The following APH1B variants were observed in gnomAD, a reference collection of about 807,000 sequenced individuals.
APH1B encodes aph-1B gamma-secretase subunit, also known as gamma-secretase subunit APH-1B.
APH1B carries 27 observed loss-of-function variants against 28.2 expected under a neutral mutation model. The observed-to-expected ratio is 0.96, with a 90% CI of 0.70 to 1.32. The LOEUF (loss-of-function observed/expected upper bound fraction) is 1.32, where lower values mean the gene tolerates loss of function less well. Among genes scored for constraint, APH1B ranks in the 40% most tolerant of loss-of-function variants. APH1B has a pLI of 0.00. For missense variants in APH1B, 305 were observed against 313.6 expected (o/e 0.97, Z 0.21); for synonymous variants, 141 against 124.6 (o/e 1.13, Z -0.88).
chr15:63,290,908 G>A (rs1285565238), intron 4 of APH1B, among the ~76,000 whole-genome samples: 1 of 152,104 alleles, frequency 6.6e-6, no homozygotes, highest in Non-Finnish European at 1.5e-5. Flanking sequence ...TTACTTAAAG[G>A]GTGAATAATA....
intron 4 of APH1B, among the ~76,000 whole-genome samples, chr15:63,299,049 T>C (rs1184096156): frequency 1.3e-5 from 2 of 152,102 alleles, no homozygotes; most frequent in South Asian, 2.1e-4. Flanking sequence ...ACAAAAGGGA[T>C]AATCTATTTA....
At chr15:63,293,460 C>T (rs1169759833) in intron 4 of APH1B, among the ~76,000 whole-genome samples, 1 of 151,306 alleles carries the variant, frequency 6.6e-6, no homozygotes, top group Non-Finnish European at 1.5e-5. Context: ...AGCCACCGCA[C>T]CTGGCCTGTT....
chr15:63,284,447 C>T (rs964470431), intron 2 of APH1B, among the ~76,000 whole-genome samples: 1 of 152,184 alleles, frequency 6.6e-6, no homozygotes, highest in Non-Finnish European at 1.5e-5. Context: ...CTCCTGCGCT[C>T]AAGTGACTTG....
chr15:63,279,377 T>C, intron 2 of APH1B, 46 bp downstream of exon 2: 1 of 1,540,536 alleles, frequency 6.5e-7, no homozygotes, highest in East Asian at 2.3e-5. Context: ...AGTTAGATTT[T>C]AGTTATGATT....
chr15:63,305,547 T>G, intron 5 of APH1B, 67 bp from the exon 6 acceptor site: 1 of 1,556,368 alleles, frequency 6.4e-7, no homozygotes, highest in South Asian at 1.1e-5. Context: ...TCCCTTTATC[T>G]TTGGTTATTC....
At position 63,302,420 on chromosome 15, in the gene APH1B, A is replaced by C; in HGVS notation, c.554A>C (p.Lys185Thr). The change falls in exon 5 of 6, where the codon AAG becomes ACG. Residue 185 changes from lysine to threonine, a missense_variant. Transcript: ENST00000261879. ...IVFFDGCEKK[K>T]WGILLIVLLT... ...TTTTTTGATGGCTGTGAGAAGAAAAAGTGGGGCATCCTCCTTATCGTTCTC... is the reference window on the plus strand; with the variant it reads ...TTTTTTGATGGCTGTGAGAAGAAAACGTGGGGCATCCTCCTTATCGTTCTC... The C allele has an allele frequency of 2.5e-6, 4 of 1,614,114 alleles. No individual in the cohort carries two copies. Among genetic ancestry groups the C allele is most frequent in the Non-Finnish European group, 3.4e-6 (4 of 1,180,008 alleles).
intron 4 of APH1B, among the ~76,000 whole-genome samples, chr15:63,290,917 T>C (rs2038498713): frequency 6.6e-6 from 1 of 151,244 alleles, no homozygotes; most frequent in African/African-American, 2.5e-5. Context: ...GGGTGAATAA[T>C]AGCTAGGCAG....
intron 2 of APH1B, 109 bp downstream of exon 2, chr15:63,279,440 C>G (rs1424164644): frequency 1.0e-6 from 1 of 961,944 alleles, no homozygotes; most frequent in East Asian, 2.7e-5. Context: ...CTACATAGTA[C>G]TAAGCCAAGA....
Position 63,306,002 on chromosome 15 carries a change from C to T in APH1B, c.*221C>T, listed in dbSNP as rs200362473. On this transcript the variant is annotated 3_prime_UTR_variant, in exon 6 of 6. Coordinates refer to ENST00000261879, the MANE Select transcript of APH1B (RefSeq NM_031301.4). ...AGAATCACCTGGGACAGTGTAAAGC[C>T]GACTGATTCTGGGCTCCACCTTCCA... 14 of 533,202 alleles carry T rather than the reference C, an allele frequency of 2.6e-5. No homozygotes were observed. The highest frequency in any genetic ancestry group is 3.8e-5 in the Non-Finnish European group (12 of 319,220). The allele number at this position is 533,202 out of a possible 1,614,324, so 33.0% of individuals were successfully genotyped here.
chr15:63,280,075 G>T (rs1334193935), intron 2 of APH1B, among the ~76,000 whole-genome samples: 1 of 152,210 alleles, frequency 6.6e-6, no homozygotes, highest in Non-Finnish European at 1.5e-5. Flanking sequence ...TAGGATTACA[G>T]GCCTGAGCCA....
intron 4 of APH1B, among the ~76,000 whole-genome samples, chr15:63,297,365 TAAAAC>T (rs1022678508): frequency 3.3e-5 from 5 of 151,936 alleles, no homozygotes; most frequent in Admixed American, 3.3e-4. Flanking sequence ...TGTCTCCACT[TAAAAC>T]AGAAAAAAAT....
chr15:63,286,630 T>C lies in APH1B; in HGVS notation c.355+2T>C, dbSNP rs1390682845. The C allele has an allele frequency of 6.2e-7, 1 of 1,604,114 alleles. No homozygotes were observed. Among genetic ancestry groups the C allele is most frequent in the Non-Finnish European group, 8.5e-7 (1 of 1,176,484 alleles). ...CCTCTATGCGACTGCTGGCCTATGG[T>C]AAGTTAGAACCACATGGTTTCATTA... On this transcript the variant is annotated splice_donor_variant, in intron 3 of 5. Coordinates refer to ENST00000261879, the MANE Select transcript of APH1B (RefSeq NM_031301.4). LOFTEE classifies it high-confidence loss of function.
intron 5 of APH1B, 74 bp downstream of exon 5, chr15:63,302,546 T>C: frequency 6.6e-7 from 1 of 1,512,144 alleles, no homozygotes; most frequent in Non-Finnish European, 8.8e-7. Context: ...AATTCTACTC[T>C]AGATGAAATA....
At chr15:63,277,911 G>T (rs964355701) in intron 1 of APH1B, 175 bp downstream of exon 1, 4 of 641,780 alleles carry the variant, frequency 6.2e-6, no homozygotes, top group African/African-American at 5.6e-5. Flanking sequence ...GCCCTCTTAG[G>T]AAGAAGCGCA....
At chr15:63,284,217 G>A (rs1007072806) in intron 2 of APH1B, among the ~76,000 whole-genome samples, 9 of 136,432 alleles carry the variant, frequency 6.6e-5, no homozygotes, top group Non-Finnish European at 1.2e-4. Context: ...TATGTGCTTT[G>A]CTTTTTTTTT....
chr15:63,290,714 G>T (rs1217994779), intron 4 of APH1B, among the ~76,000 whole-genome samples: 1 of 152,194 alleles, frequency 6.6e-6, no homozygotes, highest in East Asian at 1.9e-4. Context: ...GTTATTTGTT[G>T]AATGTCTTTT....
chr15:63,308,981 CTG>C lies in APH1B; in HGVS notation c.*3204_*3205del, dbSNP rs1341670493. On this transcript the variant is annotated 3_prime_UTR_variant, in exon 6 of 6. Coordinates refer to ENST00000261879, the MANE Select transcript of APH1B (RefSeq NM_031301.4). ...TGTTTAGAAGAGGCGGGTACTGTCACTGTGTAAAATATGTAATATTTTATATG... is the reference window on the plus strand; with the variant it reads ...TGTTTAGAAGAGGCGGGTACTGTCACTGTAAAATATGTAATATTTTATATG... 1 of 152,100 alleles carries C rather than the reference CTG, an allele frequency of 6.6e-6. No individual in the cohort carries two copies. The highest frequency in any genetic ancestry group is 1.5e-5 in the Non-Finnish European group (1 of 68,028). 9.4% of individuals were successfully genotyped at this position (152,100 alleles called of 1,614,324 possible). A position where few individuals can be genotyped will look rare whatever the true frequency, so the allele number is the denominator to read the frequency against.
At chr15:63,291,519 A>G (rs1260095897) in intron 4 of APH1B, among the ~76,000 whole-genome samples, 1 of 152,222 alleles carries the variant, frequency 6.6e-6, no homozygotes, top group African/African-American at 2.4e-5. Flanking sequence ...ATTGTGATTT[A>G]ACAGGAATAC....
chr15:63,293,799 C>G (rs1314320594), intron 4 of APH1B, among the ~76,000 whole-genome samples: 1 of 152,180 alleles, frequency 6.6e-6, no homozygotes, highest in Non-Finnish European at 1.5e-5. Flanking sequence ...GGGTCTTGCT[C>G]TGTCACCTAG....
Sources: allele counts gnomAD v4.1 joint callset (sites outside exome capture counted in the v4.1 genomes callset), GRCh38; gene constraint gnomAD v4.1.1; transcripts MANE v1.5; gene names NCBI Gene and HGNC (gene_info 2026-07-23, HGNC 2026-07-21).